Variants in KAT7 observed in about 807,000 individuals in gnomAD.
The protein encoded by KAT7 is lysine acetyltransferase 7, also known as histone acetyltransferase KAT7.
KAT7 carries 10 observed loss-of-function variants against 82.1 expected under a neutral mutation model. That is an observed-to-expected ratio of 0.12 (90% confidence interval 0.08 to 0.21). The LOEUF is 0.21. Ranked by LOEUF, KAT7 falls within the 10% of genes least tolerant of loss-of-function variation. The pLI, the probability that KAT7 is intolerant of heterozygous loss-of-function variation, is 1.00. For missense variants in KAT7, 378 were observed against 760.9 expected, an observed-to-expected ratio of 0.50 and a Z score of 5.92; for synonymous variants, 250 against 262.5, an observed-to-expected ratio of 0.95 and a Z score of 0.46.
At chr17:49,792,106 T>A (rs1567845827) in intron 2 of KAT7, 73 bp downstream of exon 2, 10 of 1,483,312 alleles carry the variant, frequency 6.7e-6, no homozygotes, top group Non-Finnish European at 7.4e-6. Context: ...TTTTCCTAGT[T>A]AATGTGGAAA....
intron 9 of KAT7, among the ~76,000 whole-genome samples, chr17:49,820,813 A>G (rs1446643508): frequency 6.7e-6 from 1 of 149,570 alleles, no homozygotes; most frequent in African/African-American, 2.5e-5. Flanking sequence ...TTATATAACA[A>G]AGGGAATGCA....
chr17:49,823,339 A>G lies in KAT7; in HGVS notation c.1480+44A>G, dbSNP rs925033274. On this transcript the variant is annotated intron_variant, in intron 12 of 14. Coordinates refer to ENST00000259021, the MANE Select transcript of KAT7 (RefSeq NM_007067.5). ...TCATTAGTTCCACAAGGCAGGGACCATGTGAATATTGTTTGTCTTTTTGTC... is the reference window on the plus strand; with the variant it reads ...TCATTAGTTCCACAAGGCAGGGACCGTGTGAATATTGTTTGTCTTTTTGTC... 4.9e-6 allele frequency: 5 copies of G among 1,027,350 alleles called. No individual in the cohort carries two copies. The African/African-American group carries it at 6.3e-5, about 13-fold the overall frequency. The allele number at this position is 1,027,350 out of a possible 1,614,324, so 63.6% of individuals were successfully genotyped here.
chr17:49,811,643 A>G, intron 7 of KAT7, 69 bp downstream of exon 7: 5 of 754,310 alleles, frequency 6.6e-6, no homozygotes, highest in Middle Eastern at 5.1e-4. Context: ...TTGCTTTCTG[A>G]GCTTCTGCCT....
rs546560454 is a variant in KAT7, at chr17:49,827,943, A to C, written c.*441A>C. On this transcript the variant is annotated 3_prime_UTR_variant, in exon 15 of 15. Coordinates refer to ENST00000259021, the MANE Select transcript of KAT7 (RefSeq NM_007067.5). ...CAGTTACTCCTTATATGTGTGTTCT[A>C]TGGAGGGGCAGGGAAAAGGTGGCAC... The C allele has an allele frequency of 6.3e-6, 1 of 158,164 alleles. No homozygotes were observed. Among genetic ancestry groups the C allele is most frequent in the Non-Finnish European group, 1.4e-5 (1 of 71,970 alleles). 9.8% of individuals were successfully genotyped at this position (158,164 alleles called of 1,614,324 possible). A position where few individuals can be genotyped will look rare whatever the true frequency, so the allele number is the denominator to read the frequency against.
chr17:49,827,217 T>G (rs1351131355), intron 14 of KAT7, 184 bp from the exon 15 acceptor site: 1 of 569,058 alleles, frequency 1.8e-6, no homozygotes, highest in Non-Finnish European at 3.1e-6. Flanking sequence ...TCACTGAGGG[T>G]AAAGTAGGAA....
intron 7 of KAT7, among the ~76,000 whole-genome samples, chr17:49,814,290 G>C (rs906199053): frequency 6.6e-6 from 1 of 152,222 alleles, no homozygotes; most frequent in African/African-American, 2.4e-5. Flanking sequence ...TGAATTTGTA[G>C]TTAGACCTTT....
At chr17:49,806,781 A>C (rs1369910134) in intron 5 of KAT7, among the ~76,000 whole-genome samples, 1 of 152,256 alleles carries the variant, frequency 6.6e-6, no homozygotes, top group Non-Finnish European at 1.5e-5. Flanking sequence ...TTGGTGAAGA[A>C]AATTCTGACC....
rs542501332 is a variant in KAT7, at chr17:49,812,513, C to G, written c.852+939C>G. 2.0e-5 allele frequency among the ~76,000 whole-genome samples: 3 copies of G among 152,114 alleles called. No individual in the cohort carries two copies. The East Asian group carries it at 5.8e-4, about 29-fold the overall frequency. On this transcript the variant is annotated intron_variant, in intron 7 of 14. Transcript: ENST00000259021. ...GTGTTGGGATTACAGGCGTGAGCCA[C>G]CATGCCCGGCCTTAAACATCTTTTT...
At position 49,817,727 on chromosome 17, in the gene KAT7, A is replaced by G. The variant is rs996061512; in HGVS notation, c.964-93A>G. ...AGTGACCTGCCTGCCTCAGCCTCCC[A>G]AAGTGTTGGGATTACAGGAGCCACT... On this transcript the variant is annotated intron_variant, in intron 8 of 14. Coordinates refer to ENST00000259021, the MANE Select transcript of KAT7 (RefSeq NM_007067.5). 12 of 1,011,304 alleles carry G rather than the reference A, an allele frequency of 1.2e-5. No homozygotes were observed. In the African/African-American group the frequency reaches 1.8e-4, roughly 15 times the overall value. The allele number at this position is 1,011,304 out of a possible 1,614,324, so 62.6% of individuals were successfully genotyped here.
At chr17:49,823,053 T>G (rs963494042) in intron 11 of KAT7, 149 bp from the exon 12 acceptor site, 6 of 585,068 alleles carry the variant, frequency 1.0e-5, no homozygotes, top group African/African-American at 1.9e-5. Flanking sequence ...ATAAAGGGTG[T>G]GGTTATAACA....
At chr17:49,794,466 A>G (rs761297777) in intron 2 of KAT7, among the ~76,000 whole-genome samples, 2 of 152,090 alleles carry the variant, frequency 1.3e-5, no homozygotes, top group Non-Finnish European at 2.9e-5. Flanking sequence ...TTGTATTTTT[A>G]GTAGAGACAG....
chr17:49,804,028 T>G (rs901272041), intron 4 of KAT7, among the ~76,000 whole-genome samples: 7 of 151,824 alleles, frequency 4.6e-5, no homozygotes, highest in Non-Finnish European at 1.0e-4. Flanking sequence ...TGAAGAGAAA[T>G]ATATAAAAAG....
rs976986631 is a variant in KAT7 at position 49,833,269 on chromosome 17, C to T, written c.*5767C>T. 6.6e-6 allele frequency: 1 copy of T among 152,196 alleles called. No homozygotes were observed. The highest frequency in any genetic ancestry group is 2.4e-5 in the African/African-American group (1 of 41,454). The allele number at this position is 152,196 out of a possible 1,614,324, so 9.4% of individuals were successfully genotyped here. ...TGTGAGATATAAACATCTTTATCCT[C>T]GACAAGTCATGTTCATTCCAAGAAA... On this transcript the variant is annotated 3_prime_UTR_variant, in exon 15 of 15. Coordinates refer to ENST00000259021, the MANE Select transcript of KAT7 (RefSeq NM_007067.5).
At chr17:49,796,079 T>C (rs759507129) in intron 2 of KAT7, among the ~76,000 whole-genome samples, 37 of 152,210 alleles carry the variant, frequency 2.4e-4, no homozygotes, top group African/African-American at 8.4e-4. Context: ...TGTCCTCAGG[T>C]TGGAGATATA....
At chr17:49,823,120 C>T in intron 11 of KAT7, 82 bp from the exon 12 acceptor site, 1 of 793,024 alleles carries the variant, frequency 1.3e-6, no homozygotes, top group Non-Finnish European at 2.2e-6. Flanking sequence ...TTGCAAGCAG[C>T]CTTATTTTGC....
At chr17:49,810,443 G>A (rs2074148332) in intron 6 of KAT7, among the ~76,000 whole-genome samples, 1 of 152,078 alleles carries the variant, frequency 6.6e-6, no homozygotes, top group African/African-American at 2.4e-5. Context: ...TTTTAGTAGA[G>A]ACAGGGTTTC....
At position 49,826,802 on chromosome 17, in the gene KAT7, A is replaced by T; in HGVS notation, c.1734+3A>T. On this transcript the variant is annotated splice_donor_region_variant and intron_variant, in intron 14 of 14. Coordinates refer to ENST00000259021, the MANE Select transcript of KAT7 (RefSeq NM_007067.5). The stretch of plus-strand genomic sequence containing the variant: ...AACACCTAGTTTTAAAGAGACAGGT[A>T]AGGTTCTCATCAGGGGCTTGCTCAT... 1 of 1,585,350 alleles carries T rather than the reference A, an allele frequency of 6.3e-7. No individual in the cohort carries two copies. The highest frequency in any genetic ancestry group is 8.7e-7 in the Non-Finnish European group (1 of 1,154,568).
At chr17:49,816,208 T>C (rs927390269) in intron 8 of KAT7, among the ~76,000 whole-genome samples, 5 of 152,186 alleles carry the variant, frequency 3.3e-5, no homozygotes, top group Non-Finnish European at 7.3e-5. Context: ...TTGTCTCAGC[T>C]GGGCAATTTG....
chr17:49,809,138 A>G lies in KAT7; in HGVS notation c.683A>G (p.Asp228Gly). 9 of 1,614,170 alleles carry G rather than the reference A, an allele frequency of 5.6e-6. No individual in the cohort carries two copies. Among genetic ancestry groups the G allele is most frequent in the Non-Finnish European group, 7.6e-6 (9 of 1,179,986 alleles). The change falls in exon 6 of 15, where the codon GAT becomes GGT. Residue 228 changes from aspartate to glycine, a missense_variant. Physicochemically the swap from Asp to Gly is moderately conservative, Grantham distance 94. This residue lies in a region of KAT7 where 102 missense variants were observed against 129.8 expected (regional missense o/e 0.79). Transcript: ENST00000259021. The stretch of plus-strand genomic sequence containing the variant: ...TTGCAGGTGAGAGCACAGAGCCGGG[A>G]TAAGCAGATAGAAGAAAGGATGCTG... Reference protein sequence around the residue: ...DECKVRAQSRDKQIEERMLSH... With the variant: ...DECKVRAQSRGKQIEERMLSH...
Sources: allele counts gnomAD v4.1 joint callset (sites outside exome capture counted in the v4.1 genomes callset), GRCh38; gene constraint gnomAD v4.1.1; regional missense constraint gnomAD v4.1.1; transcripts MANE v1.5; gene names NCBI Gene and HGNC (gene_info 2026-07-23, HGNC 2026-07-21).